PHKB: variants seen among roughly 807,000 people sequenced by gnomAD.
PHKB encodes phosphorylase b kinase regulatory subunit beta.
A neutral mutation model predicts 152.1 loss-of-function variants in PHKB; 122 were observed. That is an observed-to-expected ratio of 0.80 (90% CI 0.69 to 0.93). The LOEUF (loss-of-function observed/expected upper bound fraction) is 0.93. Among genes scored for constraint, PHKB ranks in the 40% least tolerant of loss-of-function variants. The pLI, the probability that PHKB is intolerant of heterozygous loss-of-function variation, is 0.00. For synonymous variants in PHKB, 436 were observed against 464.9 expected, an observed-to-expected ratio of 0.94 and a Z score of 0.80; for missense variants, 1,304 against 1,328.4, an observed-to-expected ratio of 0.98 and a Z score of 0.29.
intron 8 of PHKB, among the ~76,000 whole-genome samples, chr16:47,582,828 C>G (rs1161749305): frequency 6.6e-6 from 1 of 152,196 alleles, no homozygotes; most frequent in Non-Finnish European, 1.5e-5. Flanking sequence ...CAGCTTCTTG[C>G]TCTTGTCACC....
intron 26 of PHKB, among the ~76,000 whole-genome samples, chr16:47,683,473 C>G (rs1259221437): frequency 1.3e-5 from 2 of 152,194 alleles, no homozygotes; most frequent in African/African-American, 4.8e-5. Context: ...GCAGGCACCC[C>G]TCTCCCACCC....
intron 1 of PHKB, chr16:47,464,260 C>G (rs1013005678): frequency 1.0e-5 from 5 of 486,330 alleles, no homozygotes; most frequent in African/African-American, 9.7e-5. Context: ...TGTCTGGGAG[C>G]TCCCATTGTC....
At chr16:47,678,350 C>A (rs890884811) in intron 26 of PHKB, among the ~76,000 whole-genome samples, 2 of 152,250 alleles carry the variant, frequency 1.3e-5, no homozygotes, top group Non-Finnish European at 2.9e-5. Flanking sequence ...GCCACACTGA[C>A]TTCCACAATG....
Position 47,463,970 on chromosome 16 carries a change from C to T in PHKB, c.76+2544C>T, listed in dbSNP as rs747588419. 3.6e-5 allele frequency: 58 copies of T among 1,613,302 alleles called. No homozygotes were observed. The highest frequency in any genetic ancestry group is 3.3e-4 in the South Asian group (30 of 91,074). On this transcript the variant is annotated intron_variant, in intron 1 of 30. Transcript: ENST00000323584. Reference sequence around the variant, plus strand: ...TGCTCACCTGATGCAGTCGTCTCTCCGTCTTCCGCTTTCTTAAGGTCTGGT... The same window carrying T: ...TGCTCACCTGATGCAGTCGTCTCTCTGTCTTCCGCTTTCTTAAGGTCTGGT...
At chr16:47,694,805 C>T (rs1052711282) in intron 28 of PHKB, among the ~76,000 whole-genome samples, 1 of 152,156 alleles carries the variant, frequency 6.6e-6, no homozygotes, top group African/African-American at 2.4e-5. Flanking sequence ...ACGCTCACAA[C>T]CACTTGTTAG....
At chr16:47,641,158 T>C (rs1973014148) in intron 15 of PHKB, 68 bp downstream of exon 15, 2 of 1,175,892 alleles carry the variant, frequency 1.7e-6, no homozygotes, top group African/African-American at 1.5e-5. Flanking sequence ...GATTGCTTTA[T>C]GTTTACAATA....
At chr16:47,468,711 A>G (rs543467775) in intron 1 of PHKB, among the ~76,000 whole-genome samples, 14 of 152,344 alleles carry the variant, frequency 9.2e-5, no homozygotes, top group African/African-American at 3.1e-4. Context: ...CCTTTGAATG[A>G]CAAAGTCCCA....
At chr16:47,544,201 T>A (rs546256588) in intron 6 of PHKB, among the ~76,000 whole-genome samples, 1 of 152,334 alleles carries the variant, frequency 6.6e-6, no homozygotes, top group East Asian at 1.9e-4. Flanking sequence ...TTTGGATCTT[T>A]CCCAGTTTCT....
intron 4 of PHKB, among the ~76,000 whole-genome samples, chr16:47,507,447 A>G (rs1219839769): frequency 6.6e-6 from 1 of 152,086 alleles, no homozygotes; most frequent in Non-Finnish European, 1.5e-5. Context: ...TTCTTACTCA[A>G]CCTTATTAAC....
At chr16:47,466,058 T>A (rs1240958617) in intron 1 of PHKB, among the ~76,000 whole-genome samples, 4 of 152,202 alleles carry the variant, frequency 2.6e-5, no homozygotes, top group Non-Finnish European at 5.9e-5. Context: ...ATGTTTCTGC[T>A]TTTTGTTTTT....
intron 6 of PHKB, among the ~76,000 whole-genome samples, chr16:47,532,190 T>G (rs1358075147): frequency 6.6e-6 from 1 of 152,232 alleles, no homozygotes; most frequent in African/African-American, 2.4e-5. Flanking sequence ...ACCCTACTTA[T>G]CAGTGAAGGA....
intron 7 of PHKB, among the ~76,000 whole-genome samples, chr16:47,574,198 G>C (rs1246878818): frequency 6.6e-6 from 1 of 152,174 alleles, no homozygotes; most frequent in Non-Finnish European, 1.5e-5. Context: ...GGGATTACAG[G>C]CATGAGCCAT....
At chr16:47,595,099 A>G (rs1030069186) in intron 12 of PHKB, among the ~76,000 whole-genome samples, 1 of 152,220 alleles carries the variant, frequency 6.6e-6, no homozygotes, top group Non-Finnish European at 1.5e-5. Context: ...CACTTGTCCA[A>G]TGTGAGAAAT....
chr16:47,547,807 A>T, intron 7 of PHKB: 3 of 420,338 alleles, frequency 7.1e-6, no homozygotes, highest in South Asian at 6.9e-5. Context: ...AGCCCTCATC[A>T]TTAATCCACA....
chr16:47,650,759 G>A (rs1346713250), intron 19 of PHKB, 72 bp from the exon 20 acceptor site: 17 of 1,279,854 alleles, frequency 1.3e-5, no homozygotes, highest in South Asian at 1.1e-4. Flanking sequence ...TATATAAGGG[G>A]CACTTAGTAT....
intron 7 of PHKB, among the ~76,000 whole-genome samples, chr16:47,555,197 G>A (rs1971347276): frequency 6.6e-6 from 1 of 152,138 alleles, no homozygotes; most frequent in African/African-American, 2.4e-5. Context: ...ATCGAACTAT[G>A]ATAGAAGCTA....
intron 7 of PHKB, 150 bp downstream of exon 7, chr16:47,547,698 A>C: frequency 1.6e-6 from 1 of 613,996 alleles, no homozygotes; most frequent in Non-Finnish European, 2.9e-6. Context: ...AAGTCACTTA[A>C]AATTAACACA....
At chr16:47,654,222 C>T (rs1597153478) in intron 20 of PHKB, among the ~76,000 whole-genome samples, 1 of 152,292 alleles carries the variant, frequency 6.6e-6, no homozygotes, top group East Asian at 1.9e-4. Context: ...AACTGGCCAT[C>T]AGAGAAATGC....
At chr16:47,473,550 C>G (rs1416520360) in intron 1 of PHKB, among the ~76,000 whole-genome samples, 1 of 151,956 alleles carries the variant, frequency 6.6e-6, no homozygotes, top group African/African-American at 2.4e-5. Flanking sequence ...CCAACAATCA[C>G]ATGATTATTA....
Sources: allele counts gnomAD v4.1 joint callset (sites outside exome capture counted in the v4.1 genomes callset), GRCh38; gene constraint gnomAD v4.1.1; transcripts MANE v1.5; gene names NCBI Gene and HGNC (gene_info 2026-07-23, HGNC 2026-07-21).